Variants in XIRP2 observed in about 807,000 individuals in gnomAD.
XIRP2 encodes the protein xin actin-binding repeat-containing protein 2.
XIRP2 carries 236 observed loss-of-function variants against 277.0 expected under a neutral mutation model. That is an observed-to-expected ratio of 0.85 (90% CI 0.77 to 0.95). The LOEUF (loss-of-function observed/expected upper bound fraction) is 0.95. Among genes scored for constraint, XIRP2 ranks in the 40% least tolerant of loss-of-function variants. XIRP2 has a pLI of 0.00. For missense variants in XIRP2, 4,640 were observed against 4,157.5 expected, an observed-to-expected ratio of 1.12 and a Z score of -3.19; for synonymous variants, 1,490 against 1,416.5, an observed-to-expected ratio of 1.05 and a Z score of -1.17.
At chr2:167,063,369 G>A (rs982729182) in intron 2 of XIRP2, among the ~76,000 whole-genome samples, 5 of 151,934 alleles carry the variant, frequency 3.3e-5, no homozygotes, top group African/African-American at 1.2e-4. Flanking sequence ...TGAAAAGAAG[G>A]TGTATTCTTC....
intron 2 of XIRP2, among the ~76,000 whole-genome samples, chr2:166,935,316 AAAAG>A (rs1206370117): frequency 2.6e-5 from 4 of 152,338 alleles, no homozygotes; most frequent in African/African-American, 9.6e-5. Context: ...TTAACCATAT[AAAAG>A]AGACTAATAG....
Position 167,244,207 on chromosome 2 carries a change from G to A in XIRP2, c.2815G>A (p.Glu939Lys). Residue 939 changes from glutamate (E) to lysine (K), a missense_variant, in exon 9 of 11, where the codon GAA becomes AAA. Transcript: ENST00000409195. ...GTACACACGAACAGTGAAACTTGAA[G>A]AAGTTGACAGAGGAGATGTGAAGAA... ...KEYTRTVKLEEVDRGDVKNYT... is the reference protein window; with the variant it reads ...KEYTRTVKLEKVDRGDVKNYT... 3.1e-6 allele frequency: 5 copies of A among 1,613,500 alleles called. No homozygotes were observed. Among genetic ancestry groups the A allele is most frequent in the Non-Finnish European group, 4.2e-6 (5 of 1,179,806 alleles).
chr2:167,095,976 C>A (rs1392458072), intron 2 of XIRP2, among the ~76,000 whole-genome samples: 1 of 145,566 alleles, frequency 6.9e-6, no homozygotes, highest in Non-Finnish European at 1.5e-5. Flanking sequence ...CAGGTTCATG[C>A]CATTCTTCTG....
intron 7 of XIRP2, among the ~76,000 whole-genome samples, chr2:167,241,126 C>T (rs2105430640): frequency 6.6e-6 from 1 of 152,134 alleles, no homozygotes; most frequent in South Asian, 2.1e-4. Context: ...GGCTCTCCAA[C>T]CTGTAGATAT....
At chr2:167,134,986 A>C (rs1007125022) in intron 2 of XIRP2, among the ~76,000 whole-genome samples, 13 of 152,168 alleles carry the variant, frequency 8.5e-5, no homozygotes, top group African/African-American at 2.7e-4. Context: ...TTTTCATTTC[A>C]TATTGTGGAC....
chr2:167,196,442 G>C (rs1226332419), intron 3 of XIRP2, among the ~76,000 whole-genome samples: 1 of 151,474 alleles, frequency 6.6e-6, no homozygotes, highest in Admixed American at 6.6e-5. Flanking sequence ...GTGTGTGTGT[G>C]TGTGTGTGTA....
rs1320035476 is a variant in XIRP2, at chr2:167,246,979, A to G, written c.5587A>G (p.Ile1863Val). ...GAAAACAGTGACGAAAACAGAAGAAATTATAAAAGGTAACATGCTAGCCAC... is the reference window on the plus strand; with the variant it reads ...GAAAACAGTGACGAAAACAGAAGAAGTTATAAAAGGTAACATGCTAGCCAC... Reference protein sequence around the residue: ...NQKTVTKTEEIIKGNMLATLK... With the variant: ...NQKTVTKTEEVIKGNMLATLK... Residue 1863 changes from isoleucine (I) to valine (V), a missense_variant, in exon 9 of 11, where the codon ATT (isoleucine) becomes GTT (valine). By Grantham distance (29) the Ile-to-Val change is conservative (BLOSUM62 3). Coordinates refer to ENST00000409195, the MANE Select transcript of XIRP2 (RefSeq NM_152381.6). 1 of 1,613,660 alleles carries G rather than the reference A, an allele frequency of 6.2e-7. No individual in the cohort carries two copies. The highest frequency in any genetic ancestry group is 8.5e-7 in the Non-Finnish European group (1 of 1,179,752).
Position 167,250,678 on chromosome 2 carries a change from G to A in XIRP2, c.9286G>A (p.Val3096Met), listed in dbSNP as rs1023077839. The change falls in exon 9 of 11, where the codon GTG becomes ATG. Residue 3096 changes from valine (V) to methionine (M), a missense_variant. Coordinates refer to ENST00000409195, the MANE Select transcript of XIRP2 (RefSeq NM_152381.6). ...AHHEATVRSH[V>M]KTHQEIKLDD... ...TCATGAAGCAACTGTTCGTAGTCAC[G>A]TGAAAACCCATCAGGAAATTAAACT... 1.2e-6 allele frequency: 2 copies of A among 1,613,500 alleles called. No homozygotes were observed. The highest frequency in any genetic ancestry group is 1.1e-5 in the South Asian group (1 of 91,052).
At chr2:167,028,060 C>T (rs1306099705) in intron 2 of XIRP2, among the ~76,000 whole-genome samples, 2 of 152,056 alleles carry the variant, frequency 1.3e-5, no homozygotes, top group East Asian at 3.9e-4. Flanking sequence ...TACATTAACT[C>T]TACTTCTGTA....
intron 2 of XIRP2, among the ~76,000 whole-genome samples, chr2:167,107,097 A>C (rs1437295575): frequency 6.6e-6 from 1 of 151,684 alleles, no homozygotes; most frequent in African/African-American, 2.4e-5. Context: ...GTCAGCTGCA[A>C]ATTGGAAGAG....
chr2:166,997,487 A>G (rs890649604), intron 2 of XIRP2, among the ~76,000 whole-genome samples: 2 of 152,208 alleles, frequency 1.3e-5, no homozygotes, highest in Non-Finnish European at 2.9e-5. Flanking sequence ...GTTCCATTTA[A>G]TATTTTTTTC....
chr2:167,066,365 G>T (rs938372130), intron 2 of XIRP2, among the ~76,000 whole-genome samples: 2 of 151,870 alleles, frequency 1.3e-5, no homozygotes, highest in Non-Finnish European at 2.9e-5. Flanking sequence ...TAGCCAATGG[G>T]TGTACAAAAA....
At chr2:167,109,792 C>A (rs1398572327) in intron 2 of XIRP2, among the ~76,000 whole-genome samples, 1 of 152,272 alleles carries the variant, frequency 6.6e-6, no homozygotes, top group East Asian at 1.9e-4. Context: ...ATCTCACCAG[C>A]AGTGTGTAAG....
At chr2:167,038,224 A>G (rs1429784755) in intron 2 of XIRP2, among the ~76,000 whole-genome samples, 2 of 151,998 alleles carry the variant, frequency 1.3e-5, no homozygotes, top group Admixed American at 6.5e-5. Context: ...TGCTATTTTT[A>G]AAACAAATTT....
intron 2 of XIRP2, among the ~76,000 whole-genome samples, chr2:167,012,785 T>C (rs976219247): frequency 1.3e-5 from 2 of 151,606 alleles, no homozygotes; most frequent in African/African-American, 4.8e-5. Flanking sequence ...CACAACATTC[T>C]TCCTATGTTT....
intron 2 of XIRP2, among the ~76,000 whole-genome samples, chr2:167,131,751 C>T (rs1404273076): frequency 6.6e-6 from 1 of 152,076 alleles, no homozygotes; most frequent in Non-Finnish European, 1.5e-5. Context: ...TTCATTCAAG[C>T]CTGTTGTTTC....
chr2:167,247,012 T>G lies in XIRP2; in HGVS notation c.5620T>G (p.Ser1874Ala). ...AGGTAACATGCTAGCCACACTCAAG[T>G]CACTTAAAGAATCAAGCCATCGATG... ...IKGNMLATLK[S>A]LKESSHRWKE... Residue 1874 changes from serine (S) to alanine (A), a missense_variant, in exon 9 of 11, where the codon TCA becomes GCA. Transcript: ENST00000409195. 6.2e-7 allele frequency: 1 copy of G among 1,613,516 alleles called. No individual in the cohort carries two copies. The highest frequency in any genetic ancestry group is 8.5e-7 in the Non-Finnish European group (1 of 1,179,732).
At chr2:166,913,319 C>T (rs201609968) in intron 2 of XIRP2, among the ~76,000 whole-genome samples, 3 of 75,244 alleles carry the variant, frequency 4.0e-5, no homozygotes, top group Non-Finnish European at 6.3e-5. Context: ...CACCCCCCCC[C>T]CCCAGCCTCG....
chr2:167,029,100 A>G (rs1451987614), intron 2 of XIRP2, among the ~76,000 whole-genome samples: 1 of 152,044 alleles, frequency 6.6e-6, no homozygotes, highest in African/African-American at 2.4e-5. Flanking sequence ...CAAACCTATG[A>G]CTTAATGGTC....
Sources: gnomAD v4.1 joint callset for allele counts (sites outside exome capture counted in the v4.1 genomes callset) on GRCh38, gnomAD v4.1.1 for gene constraint, MANE v1.5 for transcripts, NCBI Gene and HGNC (gene_info 2026-07-23, HGNC 2026-07-21) for gene names.